The following CARD8 variants were observed in gnomAD, a reference collection of about 807,000 sequenced individuals.
CARD8 encodes the protein caspase recruitment domain-containing protein 8.
In CARD8, 38 loss-of-function variants were observed where a neutral mutation model predicts 53.2. The observed-to-expected ratio is 0.71, with a 90% CI of 0.55 to 0.94. The LOEUF (loss-of-function observed/expected upper bound fraction) is 0.94, where lower values mean the gene tolerates loss of function less well. Among genes scored for constraint, CARD8 ranks in the 40% least tolerant of loss-of-function variants. CARD8 has a pLI of 0.00. For synonymous variants in CARD8, 245 were observed against 244.9 expected, an observed-to-expected ratio of 1.00 and a Z score of 0.00; for missense variants, 561 against 655.5, an observed-to-expected ratio of 0.86 and a Z score of 1.57.
intron 4 of CARD8, among the ~76,000 whole-genome samples, chr19:48,239,379 A>G (rs2044529901): frequency 6.6e-6 from 1 of 152,146 alleles, no homozygotes; most frequent in African/African-American, 2.4e-5. Context: ...TACTTAGCGC[A>G]AGAGTTGGAA....
chr19:48,252,900 T>C (rs2047122072), intron 1 of CARD8, among the ~76,000 whole-genome samples: 1 of 152,140 alleles, frequency 6.6e-6, no homozygotes, highest in African/African-American at 2.4e-5. Flanking sequence ...TTGTTTTTGC[T>C]TTTTTAAATG....
rs1056772123 is a variant in CARD8 at position 48,225,898 on chromosome 19, C to T, written c.1036-4043G>A. On this transcript the variant is annotated intron_variant, in intron 10 of 13. Transcript: ENST00000651546. ...TGAAACCGTGTCTCTACTAAAAATA[C>T]GAAAATTAGCCGGGCATGGTGGCGT... 4.6e-5 allele frequency among the ~76,000 whole-genome samples: 7 copies of T among 151,890 alleles called. No homozygotes were observed. The East Asian group carries it at 7.7e-4, about 17-fold the overall frequency.
rs2037873816 is a variant in CARD8 at position 48,210,989 on chromosome 19, A to G, written c.*721T>C. 6.6e-6 allele frequency: 1 copy of G among 152,174 alleles called. No individual in the cohort carries two copies. Among genetic ancestry groups the G allele is most frequent in the African/African-American group, 2.4e-5 (1 of 41,374 alleles). The allele number at this position is 152,174 out of a possible 1,614,324, so 9.4% of individuals were successfully genotyped here. On this transcript the variant is annotated 3_prime_UTR_variant, in exon 14 of 14. Transcript: ENST00000651546. Reference sequence around the variant, plus strand: ...TCTCAGAATAAGCTGAATTACCCTCATTTTCTTTTTGGTGGTTCTGTGGAG... The same window carrying G: ...TCTCAGAATAAGCTGAATTACCCTCGTTTTCTTTTTGGTGGTTCTGTGGAG...
intron 12 of CARD8, among the ~76,000 whole-genome samples, chr19:48,217,645 C>T (rs2039608052): frequency 6.6e-6 from 1 of 152,108 alleles, no homozygotes; most frequent in African/African-American, 2.4e-5. Context: ...CTTCATAGAG[C>T]TTCATTGAAA....
intron 10 of CARD8, among the ~76,000 whole-genome samples, chr19:48,222,907 G>A (rs777279581): frequency 3.3e-5 from 5 of 152,190 alleles, no homozygotes; most frequent in African/African-American, 4.8e-5. Context: ...GACACAAGGG[G>A]ACTTTGGGGA....
Position 48,211,654 on chromosome 19 carries a change from T to C in CARD8, c.*56A>G, listed in dbSNP as rs2037985019. 1.3e-6 allele frequency: 2 copies of C among 1,511,614 alleles called. No homozygotes were observed. The highest frequency in any genetic ancestry group is 1.8e-6 in the Non-Finnish European group (2 of 1,102,474). The allele number at this position is 1,511,614 out of a possible 1,614,324, so 93.6% of individuals were successfully genotyped here. On this transcript the variant is annotated 3_prime_UTR_variant, in exon 14 of 14. Transcript: ENST00000651546. ...AAATCAATGATCACATTTCTGTTTATCCATTTCCAATGAGAACGCTGGATT... is the reference window on the plus strand; with the variant it reads ...AAATCAATGATCACATTTCTGTTTACCCATTTCCAATGAGAACGCTGGATT...
chr19:48,237,501 C>T (rs1262996644), intron 5 of CARD8, among the ~76,000 whole-genome samples: 2 of 151,998 alleles, frequency 1.3e-5, no homozygotes, highest in African/African-American at 2.4e-5. Context: ...GCTATTGTTA[C>T]AGGAAGTATT....
rs2039082595 is a variant in CARD8 at position 48,215,496 on chromosome 19, TA to T, written c.1304-113del. On this transcript the variant is annotated intron_variant, in intron 12 of 13. Transcript: ENST00000651546. ...AAATAATTTAATTCTACATATGTCATAAGGCTCTTGTTTTGCACACTAATAC... is the reference window on the plus strand; with the variant it reads ...AAATAATTTAATTCTACATATGTCATAGGCTCTTGTTTTGCACACTAATAC... The T allele has an allele frequency of 5.5e-6, 4 of 733,352 alleles. No individual in the cohort carries two copies. The Admixed American group carries it at 8.4e-5, about 15-fold the overall frequency. The allele number at this position is 733,352 out of a possible 1,614,324, so 45.4% of individuals were successfully genotyped here.
intron 10 of CARD8, among the ~76,000 whole-genome samples, chr19:48,229,457 A>C (rs2042427083): frequency 6.6e-6 from 1 of 152,250 alleles, no homozygotes; most frequent in African/African-American, 2.4e-5. Flanking sequence ...TTTATCATTC[A>C]GATTAAAATG....
intron 11 of CARD8, among the ~76,000 whole-genome samples, chr19:48,220,997 A>AAG (rs2040475574): frequency 1.3e-3 from 89 of 67,824 alleles, no homozygotes; most frequent in African/African-American, 4.2e-3. Flanking sequence ...AAGGAAGGAA[A>AAG]GAAAGAAAGA....
chr19:48,234,568 A>G (rs373094995), intron 5 of CARD8, 25 bp from the exon 6 acceptor site: 11 of 1,605,310 alleles, frequency 6.9e-6, no homozygotes, highest in African/African-American at 5.4e-5. Flanking sequence ...CAGAATTTTT[A>G]CTATGAATAT....
rs2037555336 is a variant in CARD8 at position 48,208,660 on chromosome 19, G to A, written c.*3050C>T. On this transcript the variant is annotated 3_prime_UTR_variant, in exon 14 of 14. Coordinates refer to ENST00000651546, the MANE Select transcript of CARD8 (RefSeq NM_001184900.3). ...ATGTACAGTGAAATTATCTGACAAA[G>A]ACTTTAAAAGAGACATTATAAAAAT... 1 of 143,490 alleles carries A rather than the reference G, an allele frequency of 7.0e-6. No homozygotes were observed. The highest frequency in any genetic ancestry group is 1.6e-5 in the Non-Finnish European group (1 of 64,494). 8.9% of individuals were successfully genotyped at this position (143,490 alleles called of 1,614,324 possible). A position where few individuals can be genotyped will look rare whatever the true frequency, so the allele number is the denominator to read the frequency against.
rs578012741 is a variant in CARD8 at position 48,230,625 on chromosome 19, C to T, written c.848G>A (p.Arg283Gln). The change falls in exon 10 of 14, where the codon CGG (arginine) becomes CAG (glutamine). Residue 283 changes from arginine to glutamine, a missense_variant. Transcript: ENST00000651546. ...CAGGACAGCATAGAAAGGCTCCACC[C>T]GGGCTGGATGCTCCAGGACCATCCC... ...NEGMVLEHPARVEPFYAVLES... is the reference protein window; with the variant it reads ...NEGMVLEHPAQVEPFYAVLES... 2.0e-5 allele frequency: 33 copies of T among 1,613,956 alleles called. No individual in the cohort carries two copies. The highest frequency in any genetic ancestry group is 1.2e-4 in the Admixed American group (7 of 59,972).
At chr19:48,235,883 G>A (rs11881462) in intron 5 of CARD8, among the ~76,000 whole-genome samples, 6,045 of 151,652 alleles carry the variant, frequency 0.04, 386 homozygotes, top group African/African-American at 0.13. Context: ...AATTATTACT[G>A]AAGACAACTT....
At chr19:48,250,850 T>TG (rs1160653786) in intron 1 of CARD8, among the ~76,000 whole-genome samples, 1 of 152,170 alleles carries the variant, frequency 6.6e-6, no homozygotes, top group Non-Finnish European at 1.5e-5. Flanking sequence ...GCTGCACCTC[T>TG]GAAAAAATTT....
chr19:48,221,669 A>T (rs1568703029), intron 11 of CARD8, 61 bp downstream of exon 11: 5 of 1,267,166 alleles, frequency 3.9e-6, no homozygotes, highest in Admixed American at 2.5e-5. Flanking sequence ...AGATTCTTCC[A>T]TTTGTTTCAG....
At chr19:48,234,271 C>A in intron 6 of CARD8, 132 bp downstream of exon 6, 1 of 866,832 alleles carries the variant, frequency 1.2e-6, no homozygotes, top group Non-Finnish European at 1.8e-6. Context: ...GGATTCATTG[C>A]TAGTATTGCA....
chr19:48,220,954 A>AAAGGAAGGAAGGAAGGAAGG (rs373278605), intron 11 of CARD8, among the ~76,000 whole-genome samples: 11 of 101,320 alleles, frequency 1.1e-4, no homozygotes, highest in Middle Eastern at 4.9e-3. Context: ...AAAGGAAAGG[A>AAAGGAAGGAAGGAAGGAAGG]AAGGAAGGAA....
Position 48,238,337 on chromosome 19 carries a change from A to G in CARD8, c.209+46T>C, listed in dbSNP as rs16981850. ...TGAATGTACATAAACCAATGGAGCA[A>G]AATTCCAAATCTTTAATTTTTTCCC... is the stretch of plus-strand genomic sequence containing the variant. On this transcript the variant is annotated intron_variant, in intron 5 of 13. Transcript: ENST00000651546. 3,524 of 1,524,944 alleles carry G rather than the reference A, an allele frequency of 2.3e-3. 73 individuals carry two copies. In the African/African-American group the frequency reaches 0.043, roughly 19 times the overall value. 94.5% of individuals were successfully genotyped at this position (1,524,944 alleles called of 1,614,324 possible).
Sources: gnomAD v4.1 joint callset for allele counts (sites outside exome capture counted in the v4.1 genomes callset) on GRCh38, gnomAD v4.1.1 for gene constraint, MANE v1.5 for transcripts, NCBI Gene and HGNC (gene_info 2026-07-23, HGNC 2026-07-21) for gene names.